The following SOX5 variants were observed in gnomAD, a reference collection of about 807,000 sequenced individuals.
SOX5 encodes transcription factor SOX-5.
SOX5 carries 9 observed loss-of-function variants against 92.0 expected under a neutral mutation model. That is an observed-to-expected ratio of 0.10 (90% CI 0.06 to 0.17). SOX5 has a LOEUF of 0.17. Ranked by LOEUF, SOX5 falls within the 10% of genes least tolerant of loss-of-function variation. The probability of loss-of-function intolerance (pLI) is 1.00; values close to 1 mark genes in which losing one functional copy is unlikely to be tolerated. For synonymous variants in SOX5, 344 were observed against 336.3 expected (o/e 1.02, Z -0.25); for missense variants, 642 against 944.5 (o/e 0.68, Z 4.20).
chr12:24,456,033 G>C (rs1050063843), intron 1 of SOX5, among the ~76,000 whole-genome samples: 1 of 152,150 alleles, frequency 6.6e-6, no homozygotes, highest in Admixed American at 6.6e-5. Flanking sequence ...GAGCAGAGGC[G>C]AAAGTCTTAC....
At chr12:23,859,323 A>T (rs998780371) in intron 2 of SOX5, among the ~76,000 whole-genome samples, 3 of 152,150 alleles carry the variant, frequency 2.0e-5, no homozygotes, top group Non-Finnish European at 2.9e-5. Context: ...ATGCATTTCC[A>T]GGGGTAGGCC....
At chr12:24,544,467 G>A (rs1321318114) in intron 1 of SOX5, among the ~76,000 whole-genome samples, 6 of 152,144 alleles carry the variant, frequency 3.9e-5, no homozygotes, top group Admixed American at 3.9e-4. Context: ...ATATAAGGCA[G>A]GATATGGATC....
chr12:23,745,374 C>T (rs1227293990), intron 4 of SOX5, among the ~76,000 whole-genome samples: 1 of 152,042 alleles, frequency 6.6e-6, no homozygotes, highest in South Asian at 2.1e-4. Context: ...AAAACTGGTA[C>T]CAAAATTACT....
intron 3 of SOX5, among the ~76,000 whole-genome samples, chr12:23,802,346 C>G (rs1221904441): frequency 6.6e-6 from 1 of 152,152 alleles, no homozygotes; most frequent in Non-Finnish European, 1.5e-5. Flanking sequence ...TCCCAGAGTG[C>G]TGGGATTATA....
At chr12:24,454,410 T>A (rs11047455) in intron 1 of SOX5, among the ~76,000 whole-genome samples, 44,889 of 152,108 alleles carry the variant, frequency 0.3, 6,852 homozygotes, top group Middle Eastern at 0.35. Context: ...AATTTTCTAC[T>A]TGCTTCTTTC....
intron 4 of SOX5, among the ~76,000 whole-genome samples, chr12:23,960,466 T>A (rs1946764111): frequency 2.1e-5 from 3 of 143,686 alleles, no homozygotes; most frequent in South Asian, 2.2e-4. Context: ...AATCCATGTT[T>A]TATATATATA....
At chr12:24,077,629 G>C (rs1380859001) in intron 4 of SOX5, among the ~76,000 whole-genome samples, 1 of 151,452 alleles carries the variant, frequency 6.6e-6, no homozygotes, top group Non-Finnish European at 1.5e-5. Context: ...CTTCGCTCTG[G>C]AAAGAAAGCC....
At chr12:24,487,143 A>AATGTTAAAAAATTAAAAAAT (rs1946605854) in intron 1 of SOX5, among the ~76,000 whole-genome samples, 2 of 152,216 alleles carry the variant, frequency 1.3e-5, no homozygotes, top group Non-Finnish European at 2.9e-5. Context: ...TCTAAAGAAT[A>AATGTTAAAAAATTAAAAAAT]TTTAAACTTC....
intron 4 of SOX5, among the ~76,000 whole-genome samples, chr12:24,009,132 C>A (rs1195284860): frequency 6.6e-6 from 1 of 152,198 alleles, no homozygotes; most frequent in Non-Finnish European, 1.5e-5. Flanking sequence ...TCTTGGATAT[C>A]CAGCCCAGCC....
At chr12:23,966,417 A>G (rs1331892388) in intron 4 of SOX5, among the ~76,000 whole-genome samples, 1 of 152,102 alleles carries the variant, frequency 6.6e-6, no homozygotes, top group African/African-American at 2.4e-5. Flanking sequence ...ATTAAAATTA[A>G]GTTGATTTAA....
rs371171123 is a variant in SOX5 at position 23,935,013 on chromosome 12, T to C, written c.38+14551A>G. Among the ~76,000 whole-genome samples, 15 of 151,350 alleles carry C rather than the reference T, an allele frequency of 9.9e-5. No homozygotes were observed. In the East Asian group the frequency reaches 2.9e-3, roughly 29 times the overall value. ...AAAAGTAACAGAAGCCTTGGACATATCTGCATGAGGAACACTTAAAAGATT... is the reference window on the plus strand; with the variant it reads ...AAAAGTAACAGAAGCCTTGGACATACCTGCATGAGGAACACTTAAAAGATT... On this transcript the variant is annotated intron_variant, in intron 1 of 14. Coordinates refer to ENST00000451604, the MANE Select transcript of SOX5 (RefSeq NM_006940.6).
chr12:23,693,868 C>A (rs921948070), intron 6 of SOX5, among the ~76,000 whole-genome samples: 46 of 152,064 alleles, frequency 3.0e-4, no homozygotes, highest in Non-Finnish European at 7.4e-5. Flanking sequence ...TTTTTAATTT[C>A]TTTGCTTTCC....
At chr12:24,205,980 C>T (rs1057145370) in intron 4 of SOX5, among the ~76,000 whole-genome samples, 1 of 152,216 alleles carries the variant, frequency 6.6e-6, no homozygotes, top group Non-Finnish European at 1.5e-5. Context: ...AGCTCTCTCA[C>T]CAGCTTGCTA....
At chr12:23,653,804 G>C (rs780482357) in intron 7 of SOX5, among the ~76,000 whole-genome samples, 1 of 151,968 alleles carries the variant, frequency 6.6e-6, no homozygotes, top group Non-Finnish European at 1.5e-5. Flanking sequence ...GAATTTTGGG[G>C]GAAAATAAAC....
chr12:23,579,836 G>C (rs1480066154), intron 9 of SOX5, among the ~76,000 whole-genome samples: 1 of 151,950 alleles, frequency 6.6e-6, no homozygotes, highest in Non-Finnish European at 1.5e-5. Context: ...AAAAATAATT[G>C]AAAAAGATAC....
At chr12:24,324,648 A>C (rs926897402) in intron 2 of SOX5, among the ~76,000 whole-genome samples, 2 of 152,172 alleles carry the variant, frequency 1.3e-5, no homozygotes, top group Admixed American at 6.5e-5. Context: ...AGATAAAGCT[A>C]AACTATCTAT....
rs181806693 is a variant in SOX5 at position 24,068,508 on chromosome 12, C to T, written c.-2+144835G>A. Among the ~76,000 whole-genome samples, 363 of 151,620 alleles carry T rather than the reference C, an allele frequency of 2.4e-3. 2 individuals carry two copies. The highest frequency in any genetic ancestry group is 7.6e-3 in the African/African-American group (314 of 41,384). ...AAATAAAAGAGATTATCTTAGAAAA[C>T]TTGTGATGTTATAGAAGCCTTCATT... is the stretch of plus-strand genomic sequence containing the variant. On this transcript the variant is annotated intron_variant, in intron 4 of 4. Transcript: ENST00000446891.
intron 8 of SOX5, among the ~76,000 whole-genome samples, chr12:23,617,864 C>T (rs923169150): frequency 6.6e-6 from 1 of 152,166 alleles, no homozygotes; most frequent in African/African-American, 2.4e-5. Flanking sequence ...CATGTAAGAA[C>T]ACCCCAACTG....
intron 3 of SOX5, among the ~76,000 whole-genome samples, chr12:23,772,796 T>A (rs1661319492): frequency 6.6e-6 from 1 of 152,214 alleles, no homozygotes; most frequent in South Asian, 2.1e-4. Flanking sequence ...TACCTCAATA[T>A]ACTAAATACG....
Sources: gnomAD v4.1 joint callset for allele counts (sites outside exome capture counted in the v4.1 genomes callset) on GRCh38, gnomAD v4.1.1 for gene constraint, MANE v1.5 for transcripts, NCBI Gene and HGNC (gene_info 2026-07-23, HGNC 2026-07-21) for gene names.